Variants in NAALADL2 observed in about 807,000 individuals in gnomAD.
The protein encoded by NAALADL2 is N-acetylated alpha-linked acidic dipeptidase like 2.
NAALADL2 carries 76 observed loss-of-function variants against 87.2 expected under a neutral mutation model. The observed-to-expected ratio is 0.87, with a 90% CI of 0.72 to 1.05. The LOEUF is 1.05. Among genes scored for constraint, NAALADL2 ranks in the 50% least tolerant of loss-of-function variants. NAALADL2 has a pLI of 0.00. For synonymous variants in NAALADL2, 354 were observed against 331.0 expected (o/e 1.07, Z -0.75); for missense variants, 1,089 against 945.8 (o/e 1.15, Z -1.99).
At chr3:175,429,295 AACCTAACTGATT>A (rs1717351364) in intron 5 of NAALADL2, among the ~76,000 whole-genome samples, 1 of 151,798 alleles carries the variant, frequency 6.6e-6, no homozygotes, top group South Asian at 2.1e-4. Flanking sequence ...AGAGCAGGAA[AACCTAACTGATT>A]ACCTTGCTCT....
chr3:175,269,774 C>T (rs1393830062), intron 4 of NAALADL2, among the ~76,000 whole-genome samples: 1 of 152,100 alleles, frequency 6.6e-6, no homozygotes, highest in Non-Finnish European at 1.5e-5. Flanking sequence ...CTTTATGATC[C>T]TCGCAGTTTG....
intron 1 of NAALADL2, among the ~76,000 whole-genome samples, chr3:175,064,859 G>T (rs899547343): frequency 6.6e-6 from 1 of 152,118 alleles, no homozygotes; most frequent in Non-Finnish European, 1.5e-5. Flanking sequence ...AATTGGCTTG[G>T]TTTTCATCAA....
chr3:174,671,221 C>T (rs687212), intron 2 of NAALADL2, among the ~76,000 whole-genome samples: 97,043 of 151,900 alleles, frequency 0.64, 31,729 homozygotes, highest in Admixed American at 0.72. Context: ...CAACCACATA[C>T]TGTTTATATA....
At chr3:174,863,527 A>G (rs1457174756) in intron 1 of NAALADL2, among the ~76,000 whole-genome samples, 2 of 152,006 alleles carry the variant, frequency 1.3e-5, no homozygotes, top group East Asian at 1.9e-4. Flanking sequence ...GTTTCTTCAT[A>G]ATAGAGTCAT....
intron 5 of NAALADL2, among the ~76,000 whole-genome samples, chr3:175,376,141 A>T (rs1406998104): frequency 6.6e-6 from 1 of 152,082 alleles, no homozygotes; most frequent in African/African-American, 2.4e-5. Flanking sequence ...TATACAGCCA[A>T]CTATCTTTTA....
chr3:174,731,131 A>G (rs184548822), intron 2 of NAALADL2, among the ~76,000 whole-genome samples: 1 of 152,180 alleles, frequency 6.6e-6, no homozygotes, highest in South Asian at 2.1e-4. Context: ...GAAAGGCAAC[A>G]TTTATGACTT....
chr3:174,991,313 T>A (rs1746709321), intron 1 of NAALADL2, among the ~76,000 whole-genome samples: 1 of 152,212 alleles, frequency 6.6e-6, no homozygotes, highest in South Asian at 2.1e-4. Flanking sequence ...GATTTAAAAT[T>A]CATTTGTCTT....
At chr3:174,586,727 A>G (rs1333844440) in intron 2 of NAALADL2, among the ~76,000 whole-genome samples, 1 of 152,156 alleles carries the variant, frequency 6.6e-6, no homozygotes, top group African/African-American at 2.4e-5. Flanking sequence ...TGAAACTCTG[A>G]ACACGTATTC....
chr3:175,340,848 G>A (rs944171215), intron 5 of NAALADL2, among the ~76,000 whole-genome samples: 1 of 152,158 alleles, frequency 6.6e-6, no homozygotes, highest in East Asian at 1.9e-4. Flanking sequence ...CTCTATTGGA[G>A]AAGCCAAAGA....
upstream of NAALADL2, among the ~76,000 whole-genome samples, chr3:174,857,353 C>T (rs906160210): frequency 3.9e-5 from 6 of 152,106 alleles, no homozygotes; most frequent in Non-Finnish European, 8.8e-5. Flanking sequence ...TGTGAACTTA[C>T]GAACTTAAGA....
At chr3:175,138,446 G>A (rs563922473) in intron 2 of NAALADL2, among the ~76,000 whole-genome samples, 34 of 151,764 alleles carry the variant, frequency 2.2e-4, no homozygotes, top group Non-Finnish European at 4.1e-4. Context: ...ACCCCAACAG[G>A]GTTTGGGGTA....
chr3:175,390,241 A>T (rs188237383), intron 5 of NAALADL2, among the ~76,000 whole-genome samples: 294 of 152,264 alleles, frequency 1.9e-3, no homozygotes, highest in African/African-American at 6.8e-3. Context: ...AAAACAAAAA[A>T]TAGGGCTCAA....
intron 3 of NAALADL2, among the ~76,000 whole-genome samples, chr3:174,787,385 T>A (rs953039687): frequency 6.6e-6 from 1 of 151,054 alleles, no homozygotes; most frequent in Non-Finnish European, 1.5e-5. Context: ...AGAGCCAGCC[T>A]GAAAAGTAAT....
chr3:174,906,937 A>G (rs1485289572), intron 1 of NAALADL2, among the ~76,000 whole-genome samples: 2 of 152,058 alleles, frequency 1.3e-5, no homozygotes, highest in Admixed American at 6.6e-5. Context: ...ATATAATTTT[A>G]TTTATCACAG....
intron 1 of NAALADL2, among the ~76,000 whole-genome samples, chr3:174,972,323 C>A (rs1240810770): frequency 1.3e-5 from 2 of 152,164 alleles, no homozygotes; most frequent in African/African-American, 4.8e-5. Context: ...GCTGCCATAA[C>A]AAAAACCATT....
chr3:174,629,782 C>A (rs1323581692), intron 2 of NAALADL2, among the ~76,000 whole-genome samples: 1 of 152,138 alleles, frequency 6.6e-6, no homozygotes, highest in Non-Finnish European at 1.5e-5. Flanking sequence ...CGTATGTATG[C>A]GTATGTTACA....
At chr3:174,570,951 C>T (rs906854438) in intron 2 of NAALADL2, among the ~76,000 whole-genome samples, 20 of 152,214 alleles carry the variant, frequency 1.3e-4, no homozygotes, top group African/African-American at 4.3e-4. Context: ...TACTTATAAT[C>T]GAGTGCATCT....
At chr3:175,677,478 GGTGTGTGTGTGTGT>G (rs144329998) in intron 11 of NAALADL2, among the ~76,000 whole-genome samples, 5 of 140,118 alleles carry the variant, frequency 3.6e-5, no homozygotes, top group African/African-American at 7.9e-5. Flanking sequence ...AGTATAATGG[GGTGTGTGTGTGTGT>G]GTGTGTGTGT....
intron 3 of NAALADL2, among the ~76,000 whole-genome samples, chr3:175,255,200 T>G (rs1225545290): frequency 1.3e-5 from 2 of 152,218 alleles, no homozygotes; most frequent in Admixed American, 6.5e-5. Context: ...CGTTAATGTA[T>G]TCATAGAGTT....
Sources: allele counts gnomAD v4.1 joint callset (sites outside exome capture counted in the v4.1 genomes callset), GRCh38; gene constraint gnomAD v4.1.1; transcripts MANE v1.5; gene names NCBI Gene and HGNC (gene_info 2026-07-23, HGNC 2026-07-21).